The following RCN1 variants were observed in gnomAD, a reference collection of about 807,000 sequenced individuals.
The protein encoded by RCN1 is reticulocalbin 1.
A neutral mutation model predicts 34.7 loss-of-function variants in RCN1; 14 were observed. The ratio of observed to expected loss-of-function variants is 0.40; its 90% CI spans 0.27 to 0.63. The LOEUF (loss-of-function observed/expected upper bound fraction) is 0.63, where lower values mean the gene tolerates loss of function less well. RCN1 is among the 30% of genes least tolerant of loss of function. The probability of loss-of-function intolerance (pLI) is 0.37; values close to 1 mark genes in which losing one functional copy is unlikely to be tolerated. For synonymous variants in RCN1, 125 were observed against 165.5 expected (o/e 0.76, Z 1.88); for missense variants, 326 against 425.1 (o/e 0.77, Z 2.05).
chr11:32,095,791 C>T (rs1366670743), intron 1 of RCN1, among the ~76,000 whole-genome samples: 1 of 151,344 alleles, frequency 6.6e-6, no homozygotes, highest in Non-Finnish European at 1.5e-5. Flanking sequence ...GGCCTCCTAC[C>T]TCAGTCCTCC....
rs1392179065 is a variant in RCN1 at position 32,091,343 on chromosome 11, C to T, written c.147C>T (p.Pro49=). The T allele has an allele frequency of 6.5e-6, 10 of 1,548,656 alleles. No individual in the cohort carries two copies. The highest frequency in any genetic ancestry group is 8.7e-6 in the Non-Finnish European group (10 of 1,146,354). Residue 49 remains proline, a synonymous_variant, in exon 1 of 6, where the codon CCC becomes CCT. Transcript: ENST00000054950. Reference sequence around the variant, plus strand: ...CCGACTCGGAGCTGGGCGAGCGGCCCCCTGAGGACAACCAGAGCTTCCAGT... The same window carrying T: ...CCGACTCGGAGCTGGGCGAGCGGCCTCCTGAGGACAACCAGAGCTTCCAGT... ...VRPDSELGER[P]PEDNQSFQYD...
Position 32,097,300 on chromosome 11 carries a change from G to T in RCN1, c.411G>T (p.Trp137Cys). The T allele has an allele frequency of 1.3e-6, 2 of 1,586,222 alleles. No individual in the cohort carries two copies. Among genetic ancestry groups the T allele is most frequent in the Admixed American group, 1.9e-5 (1 of 52,344 alleles). The stretch of plus-strand genomic sequence containing the variant: ...GGGACAAGGATGATAAAATTTCCTG[G>T]GAAGAATACAAACAAGCCACCTATG... The part of the protein sequence containing the change: ...YDRDKDDKIS[W>C]EEYKQATYGY... The change falls in exon 2 of 6, where the codon TGG (tryptophan) becomes TGT (cysteine). Residue 137 changes from tryptophan (W) to cysteine (C), a missense_variant. Trp to Cys is a radical substitution (Grantham distance 215). Coordinates refer to ENST00000054950, the MANE Select transcript of RCN1 (RefSeq NM_002901.4).
intron 1 of RCN1, among the ~76,000 whole-genome samples, chr11:32,095,958 G>C (rs1359082325): frequency 6.6e-6 from 1 of 152,170 alleles, no homozygotes; most frequent in Non-Finnish European, 1.5e-5. Context: ...CAGGTAGGAG[G>C]TGGAGACATT....
At chr11:32,097,756 A>AT (rs1421604948) in intron 2 of RCN1, among the ~76,000 whole-genome samples, 1 of 152,116 alleles carries the variant, frequency 6.6e-6, no homozygotes, top group Non-Finnish European at 1.5e-5. Flanking sequence ...TGGAGAATGG[A>AT]TTTATATTTG....
intron 3 of RCN1, among the ~76,000 whole-genome samples, 165 bp downstream of exon 3, chr11:32,098,693 C>G (rs767444270): frequency 1.4e-4 from 21 of 152,178 alleles, no homozygotes; most frequent in Non-Finnish European, 2.5e-4. Context: ...TTAGTCAGGT[C>G]AGGCTGGCTG....
intron 1 of RCN1, among the ~76,000 whole-genome samples, chr11:32,095,883 G>A (rs1252501828): frequency 6.6e-6 from 1 of 152,028 alleles, no homozygotes; most frequent in Non-Finnish European, 1.5e-5. Context: ...CAAATGAAGG[G>A]GTACTTTCAA....
chr11:32,095,860 C>A (rs574461638), intron 1 of RCN1, among the ~76,000 whole-genome samples: 3 of 152,116 alleles, frequency 2.0e-5, no homozygotes, highest in Non-Finnish European at 4.4e-5. Flanking sequence ...AGGATTGAGA[C>A]CTGTTAAACT....
At chr11:32,102,771 T>C in intron 4 of RCN1, 1 of 324,448 alleles carries the variant, frequency 3.1e-6, no homozygotes. Context: ...TTTTCATCTG[T>C]AAAATGGGAA....
chr11:32,092,141 T>C (rs1339796992), intron 1 of RCN1, among the ~76,000 whole-genome samples: 1 of 151,832 alleles, frequency 6.6e-6, no homozygotes, highest in Non-Finnish European at 1.5e-5. Context: ...ATCCCGTCTC[T>C]ACTAAAAATA....
chr11:32,098,252 A>G (rs1313850851), intron 2 of RCN1, 98 bp from the exon 3 acceptor site: 7 of 1,102,244 alleles, frequency 6.4e-6, no homozygotes, highest in Non-Finnish European at 7.8e-6. Flanking sequence ...TTTTTTCCCT[A>G]TATGTACCAT....
rs369856847 is a variant in RCN1, at chr11:32,103,497, T to G, written c.888+17T>G. 1 of 1,604,080 alleles carries G rather than the reference T, an allele frequency of 6.2e-7. No homozygotes were observed. Among genetic ancestry groups the G allele is most frequent in the Admixed American group, 1.7e-5 (1 of 60,010 alleles). On this transcript the variant is annotated intron_variant, in intron 5 of 5. Transcript: ENST00000054950. ...AAAAACAAGGTATTTCCCATTCTTC[T>G]GGAATCACTGATTGAAGGGAGACAG...
rs1851996119 is a variant in RCN1, at chr11:32,098,346, G to T, written c.449-4G>T. On this transcript the variant is annotated splice_region_variant and splice_polypyrimidine_tract_variant and intron_variant, in intron 2 of 5. Transcript: ENST00000054950. ...AAACATTTCTGCATACATACATCCTGCAGGAAACCCCGCAGAGTTTCATGA... is the reference window on the plus strand; with the variant it reads ...AAACATTTCTGCATACATACATCCTTCAGGAAACCCCGCAGAGTTTCATGA... 1 of 1,607,512 alleles carries T rather than the reference G, an allele frequency of 6.2e-7. No homozygotes were observed. Among genetic ancestry groups the T allele is most frequent in the Non-Finnish European group, 8.5e-7 (1 of 1,178,110 alleles).
In RCN1 at chr11:32,104,411, T is replaced by C. The variant is rs1239583067; in HGVS notation, c.935T>C (p.Phe312Ser). The C allele has an allele frequency of 6.3e-7, 1 of 1,578,158 alleles. No homozygotes were observed. ...KEEILENWNM[F>S]VGSQATNYGE... ...GAAATATTGGAGAACTGGAACATGTTTGTCGGAAGCCAAGCTACCAATTAC... is the reference window on the plus strand; with the variant it reads ...GAAATATTGGAGAACTGGAACATGTCTGTCGGAAGCCAAGCTACCAATTAC... The change falls in exon 6 of 6, where the codon TTT becomes TCT. Residue 312 changes from phenylalanine to serine, a missense_variant. Coordinates refer to ENST00000054950, the MANE Select transcript of RCN1 (RefSeq NM_002901.4).
intron 4 of RCN1, among the ~76,000 whole-genome samples, chr11:32,101,458 G>C (rs1482468713): frequency 6.6e-6 from 1 of 152,222 alleles, no homozygotes; most frequent in Non-Finnish European, 1.5e-5. Context: ...TTTTTGTACA[G>C]ATTTTTAATC....
intron 4 of RCN1, chr11:32,102,868 A>G: frequency 2.6e-6 from 1 of 386,566 alleles, no homozygotes; most frequent in Non-Finnish European, 5.0e-6. Context: ...TCTGGACCAT[A>G]GTGTTCAATG....
Position 32,091,304 on chromosome 11 carries a change from G to A in RCN1, c.108G>A (p.Glu36=). 1 of 1,546,904 alleles carries A rather than the reference G, an allele frequency of 6.5e-7. No individual in the cohort carries two copies. The highest frequency in any genetic ancestry group is 8.7e-7 in the Non-Finnish European group (1 of 1,145,874). Residue 36 remains glutamate, a synonymous_variant, in exon 1 of 6, where the codon GAG becomes GAA. Coordinates refer to ENST00000054950, the MANE Select transcript of RCN1 (RefSeq NM_002901.4). ...GGGCCAAGCCCACGGTGCGCAAAGA[G>A]CGCGTGGTGCGGCCCGACTCGGAGC... ...VLRAKPTVRK[E]RVVRPDSELG... is the part of the protein sequence containing the mutation.
chr11:32,092,207 T>A (rs906773335), intron 1 of RCN1, among the ~76,000 whole-genome samples: 13 of 152,024 alleles, frequency 8.6e-5, no homozygotes, highest in Admixed American at 7.9e-4. Context: ...CTTGGGAGGC[T>A]GAGGCAGGGG....
intron 2 of RCN1, among the ~76,000 whole-genome samples, chr11:32,097,773 G>T (rs538494548): frequency 1.3e-5 from 2 of 152,198 alleles, no homozygotes; most frequent in South Asian, 4.1e-4. Context: ...TTTGGAGAAG[G>T]TGGGTCAACT....
chr11:32,100,359 G>T (rs563666688), intron 3 of RCN1, among the ~76,000 whole-genome samples, 189 bp from the exon 4 acceptor site: 2 of 152,244 alleles, frequency 1.3e-5, no homozygotes, highest in South Asian at 4.1e-4. Context: ...AAACTGGGGT[G>T]GGGGATTAGG....
Sources: gnomAD v4.1 joint callset for allele counts (sites outside exome capture counted in the v4.1 genomes callset) on GRCh38, gnomAD v4.1.1 for gene constraint, MANE v1.5 for transcripts, NCBI Gene and HGNC (gene_info 2026-07-23, HGNC 2026-07-21) for gene names.